Variants in CDK8 observed in about 807,000 individuals in gnomAD.
CDK8 encodes cyclin dependent kinase 8, also known as cyclin-dependent kinase 8.
Under a neutral mutation model 71.5 loss-of-function variants are expected in CDK8, and 29 were observed. The observed-to-expected ratio is 0.41, with a 90% CI of 0.30 to 0.55. The LOEUF is 0.55. Ranked by LOEUF, CDK8 falls within the 20% of genes least tolerant of loss-of-function variation. The probability of loss-of-function intolerance (pLI) is 0.37; values close to 1 mark genes in which losing one functional copy is unlikely to be tolerated. For missense variants in CDK8, 288 were observed against 572.6 expected, an observed-to-expected ratio of 0.50 and a Z score of 5.07; for synonymous variants, 161 against 192.1, an observed-to-expected ratio of 0.84 and a Z score of 1.34.
At chr13:26,342,564 G>C (rs1873289204) in intron 2 of CDK8, among the ~76,000 whole-genome samples, 1 of 152,148 alleles carries the variant, frequency 6.6e-6, no homozygotes, top group South Asian at 2.1e-4. Context: ...TGTTAGCCCT[G>C]CTAAGTGCAG....
intron 4 of CDK8, among the ~76,000 whole-genome samples, chr13:26,363,895 G>T (rs1323330130): frequency 6.6e-6 from 1 of 152,134 alleles, no homozygotes; most frequent in Non-Finnish European, 1.5e-5. Flanking sequence ...TGTATTGATA[G>T]CATGATGAAT....
chr13:26,312,137 A>G (rs1874309715), intron 1 of CDK8, among the ~76,000 whole-genome samples: 1 of 152,158 alleles, frequency 6.6e-6, no homozygotes, highest in Admixed American at 6.5e-5. Context: ...GGGATTGTAA[A>G]TGCACCAATC....
At chr13:26,316,386 T>C (rs1385217262) in intron 1 of CDK8, among the ~76,000 whole-genome samples, 1 of 152,002 alleles carries the variant, frequency 6.6e-6, no homozygotes, top group African/African-American at 2.4e-5. Context: ...AAAAGAGAGA[T>C]ATAGGCAAGG....
chr13:26,382,360 T>C (rs1402410137), intron 4 of CDK8, among the ~76,000 whole-genome samples: 3 of 152,244 alleles, frequency 2.0e-5, no homozygotes, highest in South Asian at 2.1e-4. Flanking sequence ...AATTCGTTTA[T>C]TTAAATGTAG....
In CDK8 at chr13:26,393,348, T is replaced by C. The variant is rs771389314; in HGVS notation, c.647-19T>C. The C allele has an allele frequency of 1.4e-6, 2 of 1,473,872 alleles. No homozygotes were observed. Among genetic ancestry groups the C allele is most frequent in the Non-Finnish European group, 1.8e-6 (2 of 1,094,236 alleles). The allele number at this position is 1,473,872 out of a possible 1,614,324, so 91.3% of individuals were successfully genotyped here. On this transcript the variant is annotated intron_variant, in intron 6 of 12. Coordinates refer to ENST00000381527, the MANE Select transcript of CDK8 (RefSeq NM_001260.3). ...CTTGCCTATTTTTCTTTCTTTTTTT[T>C]TTTCTTTTTGTTTTAAAGATATTTG...
intron 1 of CDK8, among the ~76,000 whole-genome samples, chr13:26,291,131 A>T (rs1178318610): frequency 6.6e-6 from 1 of 151,508 alleles, no homozygotes; most frequent in African/African-American, 2.4e-5. Flanking sequence ...AAAAAAAAAA[A>T]AAATTCTGCA....
At position 26,332,192 on chromosome 13, in the gene CDK8, T is replaced by A. The variant is rs77851379; in HGVS notation, c.129-5375T>A. The stretch of plus-strand genomic sequence containing the variant: ...CTTTACTGAATTTATTTGCCAAATC[T>A]AAGAGTTGTTTTTGGTGGAGTCTTT... On this transcript the variant is annotated intron_variant, in intron 1 of 12. Transcript: ENST00000381527. 7.9e-5 allele frequency among the ~76,000 whole-genome samples: 12 copies of A among 152,244 alleles called. No individual in the cohort carries two copies. In the East Asian group the frequency reaches 2.3e-3, roughly 29 times the overall value.
chr13:26,379,461 T>A (rs573631479), intron 4 of CDK8, among the ~76,000 whole-genome samples: 1 of 152,290 alleles, frequency 6.6e-6, no homozygotes, highest in African/African-American at 2.4e-5. Context: ...ACCAGTTCAG[T>A]AAGTCTAGAA....
intron 5 of CDK8, among the ~76,000 whole-genome samples, chr13:26,384,463 C>T (rs549626064): frequency 1.1e-4 from 16 of 152,174 alleles, no homozygotes; most frequent in Admixed American, 4.6e-4. Flanking sequence ...ATGAAAGAGA[C>T]GCAATTTTTG....
intron 4 of CDK8, among the ~76,000 whole-genome samples, chr13:26,377,281 A>T (rs1874999623): frequency 6.6e-6 from 1 of 152,234 alleles, no homozygotes; most frequent in African/African-American, 2.4e-5. Context: ...TGTTCCTCAG[A>T]TGCCAGGCAG....
At chr13:26,315,518 G>A (rs1874468906) in intron 1 of CDK8, among the ~76,000 whole-genome samples, 1 of 152,126 alleles carries the variant, frequency 6.6e-6, no homozygotes, top group Non-Finnish European at 1.5e-5. Context: ...GGGAGGGGAT[G>A]TTCCTTCATT....
At chr13:26,387,090 G>A (rs1305107655) in intron 6 of CDK8, among the ~76,000 whole-genome samples, 3 of 151,828 alleles carry the variant, frequency 2.0e-5, no homozygotes, top group African/African-American at 7.3e-5. Flanking sequence ...ATGTTTTTCT[G>A]CCTTTGTCAT....
chr13:26,331,688 C>G (rs1183933707), intron 1 of CDK8, among the ~76,000 whole-genome samples: 1 of 152,136 alleles, frequency 6.6e-6, no homozygotes, highest in African/African-American at 2.4e-5. Flanking sequence ...GTTTTTCTAC[C>G]AATACCATGC....
chr13:26,337,273 G>A (rs1216025112), intron 1 of CDK8, among the ~76,000 whole-genome samples: 1 of 152,156 alleles, frequency 6.6e-6, no homozygotes, highest in African/African-American at 2.4e-5. Flanking sequence ...ATATATTAGA[G>A]CAGAAGGAAT....
At chr13:26,387,390 G>A (rs1875530580) in intron 6 of CDK8, among the ~76,000 whole-genome samples, 2 of 152,246 alleles carry the variant, frequency 1.3e-5, no homozygotes, top group Middle Eastern at 3.4e-3. Flanking sequence ...TGAGAACTTT[G>A]TATAAATCAT....
At chr13:26,318,745 CA>C (rs1874627692) in intron 1 of CDK8, among the ~76,000 whole-genome samples, 1 of 152,098 alleles carries the variant, frequency 6.6e-6, no homozygotes, top group South Asian at 2.1e-4. Context: ...AAAATCCTGA[CA>C]AAATTGATCA....
At chr13:26,371,125 T>C (rs1262635033) in intron 4 of CDK8, among the ~76,000 whole-genome samples, 2 of 152,150 alleles carry the variant, frequency 1.3e-5, no homozygotes, top group African/African-American at 4.8e-5. Flanking sequence ...AAGTTTTTAC[T>C]TAAGAGTCAC....
rs552143735 is a variant in CDK8 at position 26,374,373 on chromosome 13, C to T, written c.457-8441C>T. Among the ~76,000 whole-genome samples, 10 of 152,026 alleles carry T rather than the reference C, an allele frequency of 6.6e-5. No individual in the cohort carries two copies. The East Asian group carries it at 1.9e-3, about 29-fold the overall frequency. On this transcript the variant is annotated intron_variant, in intron 4 of 12. Coordinates refer to ENST00000381527, the MANE Select transcript of CDK8 (RefSeq NM_001260.3). ...CTTGTATATTAAACTATTGTCTAGC[C>T]CATGTGGATCACAGTATATTAAATG...
At chr13:26,400,649 G>C in intron 10 of CDK8, 99 bp downstream of exon 10, 1 of 748,474 alleles carries the variant, frequency 1.3e-6, no homozygotes, top group Admixed American at 2.1e-5. Flanking sequence ...TCTTATATGG[G>C]AACCCAAGGA....
Sources: gnomAD v4.1 joint callset for allele counts (sites outside exome capture counted in the v4.1 genomes callset) on GRCh38, gnomAD v4.1.1 for gene constraint, MANE v1.5 for transcripts, NCBI Gene and HGNC (gene_info 2026-07-23, HGNC 2026-07-21) for gene names.